CALCR: variants seen among roughly 807,000 people sequenced by gnomAD.
The protein encoded by CALCR is calcitonin receptor.
A neutral mutation model predicts 59.5 loss-of-function variants in CALCR; 47 were observed. The observed-to-expected ratio is 0.79, with a 90% CI of 0.63 to 1.01. CALCR has a LOEUF of 1.01. Among genes scored for constraint, CALCR ranks in the 50% least tolerant of loss-of-function variants. The pLI is 0.00. For missense variants in CALCR, 566 were observed against 597.1 expected (o/e 0.95, Z 0.54); for synonymous variants, 213 against 211.3 (o/e 1.01, Z -0.07).
chr7:93,500,140 C>T (rs1055584443), intron 2 of CALCR, among the ~76,000 whole-genome samples: 1 of 151,866 alleles, frequency 6.6e-6, no homozygotes. Flanking sequence ...AATTAAAACT[C>T]TATCATAGGG....
intron 2 of CALCR, among the ~76,000 whole-genome samples, chr7:93,569,643 T>C (rs1789954801): frequency 6.6e-6 from 1 of 152,084 alleles, no homozygotes; most frequent in South Asian, 2.1e-4. Context: ...TCTTTTCCAT[T>C]CCCCATGAAA....
intron 2 of CALCR, among the ~76,000 whole-genome samples, chr7:93,560,319 G>T (rs1789716609): frequency 6.6e-6 from 1 of 151,998 alleles, no homozygotes; most frequent in South Asian, 2.1e-4. Context: ...CTAGAGAGAT[G>T]ACGTCACTCT....
At chr7:93,502,217 A>G (rs917721218) in intron 2 of CALCR, among the ~76,000 whole-genome samples, 1 of 152,120 alleles carries the variant, frequency 6.6e-6, no homozygotes, top group Admixed American at 6.6e-5. Context: ...TACACATTAC[A>G]TTATCCTCCT....
chr7:93,471,916 C>T (rs763684297), intron 6 of CALCR, among the ~76,000 whole-genome samples: 1 of 151,730 alleles, frequency 6.6e-6, no homozygotes, highest in Non-Finnish European at 1.5e-5. Flanking sequence ...TGATGAGATG[C>T]CCTACTTTAG....
At chr7:93,512,526 C>T (rs967124696) in intron 2 of CALCR, among the ~76,000 whole-genome samples, 1 of 152,106 alleles carries the variant, frequency 6.6e-6, no homozygotes, top group African/African-American at 2.4e-5. Context: ...AAAAAATGCA[C>T]ATAAGATGAG....
chr7:93,513,798 T>G (rs537153851), intron 2 of CALCR, among the ~76,000 whole-genome samples: 35 of 147,888 alleles, frequency 2.4e-4, no homozygotes, highest in African/African-American at 8.3e-4. Context: ...TTTTTATTTA[T>G]AAATAAATAT....
At chr7:93,438,825 C>T (rs188351887) in intron 9 of CALCR, among the ~76,000 whole-genome samples, 16 of 152,164 alleles carry the variant, frequency 1.1e-4, no homozygotes, top group Admixed American at 1.0e-3. Flanking sequence ...ACATTCCCTA[C>T]CTTCTGTAGG....
chr7:93,513,185 C>G (rs1010592832), intron 2 of CALCR, among the ~76,000 whole-genome samples: 1 of 152,080 alleles, frequency 6.6e-6, no homozygotes, highest in African/African-American at 2.4e-5. Context: ...TCACGTAATA[C>G]TGGTTTCAGA....
intron 2 of CALCR, among the ~76,000 whole-genome samples, chr7:93,517,473 TTAC>T (rs1309025937): frequency 2.0e-5 from 3 of 151,860 alleles, no homozygotes; most frequent in Non-Finnish European, 4.4e-5. Context: ...CCATAAATTA[TTAC>T]TACACCTATT....
chr7:93,486,026 G>A (rs1800936493), intron 3 of CALCR, among the ~76,000 whole-genome samples: 1 of 151,444 alleles, frequency 6.6e-6, no homozygotes, highest in Non-Finnish European at 1.5e-5. Context: ...CAGACTTGTA[G>A]GCCTATAACT....
At chr7:93,438,154 A>T (rs760443035) in intron 10 of CALCR, 28 bp from the exon 11 acceptor site, 17 of 1,613,120 alleles carry the variant, frequency 1.1e-5, no homozygotes, top group African/African-American at 1.3e-5. Context: ...GACAATTAAT[A>T]CACAAATACA....
chr7:93,566,027 G>A (rs1180717058), intron 2 of CALCR, among the ~76,000 whole-genome samples: 1 of 152,000 alleles, frequency 6.6e-6, no homozygotes, highest in African/African-American at 2.4e-5. Context: ...TCACTAGAGA[G>A]GAAATCTCAA....
chr7:93,450,327 A>T lies in CALCR; in HGVS notation c.649-6570T>A, dbSNP rs189688231. 1.7e-3 allele frequency among the ~76,000 whole-genome samples: 266 copies of T among 152,108 alleles called. 3 individuals are homozygous for T. The highest frequency in any genetic ancestry group is 7.5e-3 in the Admixed American group (115 of 15,248). Reference sequence around the variant, plus strand: ...GTATTCTAGCTTGTTGGAATGCTCTATGAAGGGTATGGCTGTTAGATCATC... The same window carrying T: ...GTATTCTAGCTTGTTGGAATGCTCTTTGAAGGGTATGGCTGTTAGATCATC... On this transcript the variant is annotated intron_variant, in intron 8 of 13. Transcript: ENST00000426151.
intron 2 of CALCR, among the ~76,000 whole-genome samples, chr7:93,496,181 A>G (rs1163077626): frequency 6.6e-6 from 1 of 151,492 alleles, no homozygotes; most frequent in East Asian, 1.9e-4. Flanking sequence ...AAGAGCAGCA[A>G]TCCCATGAGA....
At chr7:93,531,066 C>A (rs1788821304) in intron 2 of CALCR, among the ~76,000 whole-genome samples, 1 of 151,888 alleles carries the variant, frequency 6.6e-6, no homozygotes. Flanking sequence ...GGGGAAAAGG[C>A]TCTCCACAGA....
Position 93,564,964 on chromosome 7 carries a change from G to A in CALCR, c.-27+9325C>T, listed in dbSNP as rs143522937. ...GAATAAATGAGAATACTATATGAAT[G>A]GTAGGTGCGGGACAAACTAGCAGAA... On this transcript the variant is annotated intron_variant, in intron 2 of 13. Coordinates refer to ENST00000426151, the MANE Select transcript of CALCR (RefSeq NM_001742.4). Among the ~76,000 whole-genome samples the A allele has an allele frequency of 2.3e-3, 344 of 152,260 alleles. 2 individuals are homozygous for A. The highest frequency in any genetic ancestry group is 0.022 in the Admixed American group (330 of 15,290).
intron 2 of CALCR, among the ~76,000 whole-genome samples, chr7:93,498,897 A>G (rs988646471): frequency 6.6e-5 from 10 of 151,686 alleles, no homozygotes; most frequent in South Asian, 6.2e-4. Context: ...GTTAAGATCA[A>G]CTATGGCAAA....
intron 9 of CALCR, among the ~76,000 whole-genome samples, chr7:93,439,451 G>A: frequency 6.6e-6 from 1 of 152,090 alleles, no homozygotes; most frequent in East Asian, 1.9e-4. Flanking sequence ...AGAAGTATAT[G>A]GAAAACTGAA....
intron 8 of CALCR, among the ~76,000 whole-genome samples, chr7:93,451,782 T>G (rs11770923): frequency 6.6e-6 from 1 of 151,954 alleles, no homozygotes; most frequent in Non-Finnish European, 1.5e-5. Flanking sequence ...TTTTTTAAAT[T>G]TCTCCTTTTA....
Sources: gnomAD v4.1 joint callset for allele counts (sites outside exome capture counted in the v4.1 genomes callset) on GRCh38, gnomAD v4.1.1 for gene constraint, MANE v1.5 for transcripts, NCBI Gene and HGNC (gene_info 2026-07-23, HGNC 2026-07-21) for gene names.